The following CPEB3 variants were observed in gnomAD, a reference collection of about 807,000 sequenced individuals.
CPEB3 encodes cytoplasmic polyadenylation element binding protein 3.
CPEB3 carries 20 observed loss-of-function variants against 67.2 expected under a neutral mutation model. That is an observed-to-expected ratio of 0.30 (90% CI 0.21 to 0.43). CPEB3 has a LOEUF of 0.43. Ranked by LOEUF, CPEB3 falls within the 20% of genes least tolerant of loss-of-function variation. The probability of loss-of-function intolerance (pLI) is 1.00; values close to 1 mark genes in which losing one functional copy is unlikely to be tolerated. For synonymous variants in CPEB3, 376 were observed against 393.1 expected (o/e 0.96, Z 0.51); for missense variants, 746 against 968.6 (o/e 0.77, Z 3.05).
At chr10:92,164,497 A>G (rs1307407880) in intron 4 of CPEB3, among the ~76,000 whole-genome samples, 1 of 152,114 alleles carries the variant, frequency 6.6e-6, no homozygotes, top group Non-Finnish European at 1.5e-5. Flanking sequence ...GCAAGCATTA[A>G]TCTCCCTTCT....
chr10:92,112,256 T>TTCAA (rs2133498311), intron 6 of CPEB3, among the ~76,000 whole-genome samples: 1 of 151,832 alleles, frequency 6.6e-6, no homozygotes, highest in South Asian at 2.1e-4. Flanking sequence ...GCAGTTCGTG[T>TTCAA]GCCTCAGCCT....
In CPEB3 at chr10:92,121,554, AACT is replaced by A. The variant is rs1845388516; in HGVS notation, c.1454-10363_1454-10361del. 6.6e-5 allele frequency among the ~76,000 whole-genome samples: 10 copies of A among 151,698 alleles called. 1 individual carries two copies. The South Asian group carries it at 2.1e-3, about 32-fold the overall frequency. On this transcript the variant is annotated intron_variant, in intron 6 of 9. Transcript: ENST00000265997. ...TTTAAATAAAAATTTGTGGAAAAAA[AACT>A]ACAAGGTCTCCCATTCTAAAAAGAG...
At chr10:92,280,268 C>T (rs534863681) in intron 1 of CPEB3, among the ~76,000 whole-genome samples, 3 of 147,750 alleles carry the variant, frequency 2.0e-5, no homozygotes, top group African/African-American at 7.5e-5. Flanking sequence ...TCACTTGAAC[C>T]CAGGGCAGAG....
At chr10:92,113,944 G>A (rs551292124) in intron 6 of CPEB3, among the ~76,000 whole-genome samples, 84 of 152,278 alleles carry the variant, frequency 5.5e-4, no homozygotes, top group Non-Finnish European at 8.1e-4. Flanking sequence ...CCCAGGAAAT[G>A]GTCCATAACA....
chr10:92,232,247 G>T (rs1851305055), intron 2 of CPEB3, among the ~76,000 whole-genome samples: 1 of 149,622 alleles, frequency 6.7e-6, no homozygotes, highest in African/African-American at 2.5e-5. Flanking sequence ...TAGAGACAGG[G>T]TTTCACCATG....
At chr10:92,131,777 A>G (rs1845853312) in intron 6 of CPEB3, among the ~76,000 whole-genome samples, 1 of 152,186 alleles carries the variant, frequency 6.6e-6, no homozygotes, top group Non-Finnish European at 1.5e-5. Context: ...AGGAGTCAAC[A>G]TACGTTTTCT....
At position 92,143,048 on chromosome 10, in the gene CPEB3, C is replaced by T. The variant is rs1846514398; in HGVS notation, c.1434G>A (p.Lys478=). The T allele has an allele frequency of 6.2e-7, 1 of 1,613,146 alleles. No individual in the cohort carries two copies. Among genetic ancestry groups the T allele is most frequent in the Non-Finnish European group, 8.5e-7 (1 of 1,179,490 alleles). The change falls in exon 6 of 10, where the codon AAG becomes AAA. Residue 478 remains lysine, a synonymous_variant. Coordinates refer to ENST00000265997, the MANE Select transcript of CPEB3 (RefSeq NM_014912.5). ...VVDWPHKAES[K]SYFPPKGYAF... ...CATTACCTTTAGGAGGAAAATAAGA[C>T]TTGCTTTCAGCTTTGTGAGGCCAGT...
At chr10:92,160,624 C>T (rs1251121952) in intron 4 of CPEB3, among the ~76,000 whole-genome samples, 1 of 152,152 alleles carries the variant, frequency 6.6e-6, no homozygotes, top group Non-Finnish European at 1.5e-5. Context: ...CTCTCCCAAA[C>T]AACAAATTCA....
chr10:92,104,784 C>A (rs1357170120), intron 7 of CPEB3, among the ~76,000 whole-genome samples: 1 of 151,260 alleles, frequency 6.6e-6, no homozygotes, highest in Non-Finnish European at 1.5e-5. Context: ...TTCAGACACC[C>A]AGGGCAAAAA....
At chr10:92,283,162 G>A (rs1590618608) in intron 1 of CPEB3, among the ~76,000 whole-genome samples, 1 of 152,084 alleles carries the variant, frequency 6.6e-6, no homozygotes, top group Non-Finnish European at 1.5e-5. Context: ...TGAGGTGGGA[G>A]GATCACCTGA....
intron 6 of CPEB3, among the ~76,000 whole-genome samples, chr10:92,139,419 G>T (rs1234439759): frequency 2.0e-5 from 3 of 151,600 alleles, no homozygotes; most frequent in African/African-American, 7.3e-5. Flanking sequence ...AGAAAAATAA[G>T]CCAGGCACAG....
At chr10:92,104,429 C>T (rs927014642) in intron 7 of CPEB3, among the ~76,000 whole-genome samples, 1 of 144,584 alleles carries the variant, frequency 6.9e-6, no homozygotes, top group Non-Finnish European at 1.5e-5. Context: ...GTCACCCAGG[C>T]TGGAGTGCAG....
chr10:92,053,586 G>C (rs1186808663), intron 9 of CPEB3, among the ~76,000 whole-genome samples: 1 of 146,452 alleles, frequency 6.8e-6, no homozygotes, highest in Non-Finnish European at 1.5e-5. Flanking sequence ...CTGTCGCCCA[G>C]GCTGGAGTGC....
chr10:92,051,904 G>C lies in CPEB3; in HGVS notation c.*308C>G, dbSNP rs1434395307. The C allele has an allele frequency of 4.0e-6, 1 of 251,476 alleles. No individual in the cohort carries two copies. Among genetic ancestry groups the C allele is most frequent in the African/African-American group, 2.2e-5 (1 of 44,674 alleles). 15.6% of individuals were successfully genotyped at this position (251,476 alleles called of 1,614,324 possible). ...ACAGTAGCCTGACGGCCGCTGATGA[G>C]AATGGCAGTCTACATACTGTCACGA... On this transcript the variant is annotated 3_prime_UTR_variant, in exon 10 of 10. Transcript: ENST00000265997.
At chr10:92,241,333 TA>T (rs997410684) in intron 1 of CPEB3, among the ~76,000 whole-genome samples, 25 of 151,446 alleles carry the variant, frequency 1.7e-4, no homozygotes, top group East Asian at 1.9e-4. Context: ...GGTGGGGCTT[TA>T]AAAAAAACCC....
intron 2 of CPEB3, among the ~76,000 whole-genome samples, chr10:92,210,598 A>G (rs1284514732): frequency 6.6e-6 from 1 of 152,256 alleles, no homozygotes; most frequent in East Asian, 1.9e-4. Context: ...TACATAAACT[A>G]TTGAACAATC....
intron 2 of CPEB3, among the ~76,000 whole-genome samples, chr10:92,235,435 A>AAAC (rs1280946035): frequency 6.6e-6 from 1 of 151,836 alleles, no homozygotes; most frequent in East Asian, 1.9e-4. Context: ...ACAGGGTGAG[A>AAAC]CATTGTCTCA....
intron 9 of CPEB3, among the ~76,000 whole-genome samples, chr10:92,059,518 C>T (rs188646520): frequency 1.3e-5 from 2 of 151,870 alleles, no homozygotes; most frequent in African/African-American, 4.8e-5. Flanking sequence ...TGTAAGCCTA[C>T]ATCAAAACGG....
In CPEB3 at chr10:92,048,492, G is replaced by C. The variant is rs1410728488; in HGVS notation, c.*3720C>G. 6.6e-6 allele frequency: 1 copy of C among 152,136 alleles called. No homozygotes were observed. Among genetic ancestry groups the C allele is most frequent in the Non-Finnish European group, 1.5e-5 (1 of 68,062 alleles). The allele number at this position is 152,136 out of a possible 1,614,324, so 9.4% of individuals were successfully genotyped here. A position where few individuals can be genotyped will look rare whatever the true frequency, so the allele number is the denominator to read the frequency against. ...TTTTAAACCCAGTGGTACTTCGGTT[G>C]GGTGACTTCATTCTCAGGGCCACAG... On this transcript the variant is annotated 3_prime_UTR_variant, in exon 10 of 10. Coordinates refer to ENST00000265997, the MANE Select transcript of CPEB3 (RefSeq NM_014912.5). The surrounding 1 kb of genome is among the most constrained non-coding windows in gnomAD (Gnocchi z 4.1).
Sources: gnomAD v4.1 joint callset for allele counts (sites outside exome capture counted in the v4.1 genomes callset) on GRCh38, gnomAD v4.1.1 for gene constraint, Gnocchi (gnomAD v3.1) non-coding constraint, MANE v1.5 for transcripts, NCBI Gene and HGNC (gene_info 2026-07-23, HGNC 2026-07-21) for gene names.